Variants in CHD7 observed in about 807,000 individuals in gnomAD.
CHD7 encodes chromodomain helicase DNA binding protein 7.
In CHD7, 24 loss-of-function variants were observed where a neutral mutation model predicts 307.3. The observed-to-expected ratio is 0.08, with a 90% CI of 0.06 to 0.11. The LOEUF is 0.11. CHD7 is among the 10% of genes least tolerant of loss of function. The pLI is 1.00. For missense variants in CHD7, 3,106 were observed against 3,727.1 expected (o/e 0.83, Z 4.34); for synonymous variants, 1,363 against 1,349.9 (o/e 1.01, Z -0.21).
chr8:60,803,736 T>G (rs932204058), intron 6 of CHD7, among the ~76,000 whole-genome samples: 1 of 152,216 alleles, frequency 6.6e-6, no homozygotes, highest in African/African-American at 2.4e-5. Context: ...GGTGCTAACT[T>G]TTTAAACTGC....
Position 60,852,661 on chromosome 8 carries a change from G to C in CHD7, c.6058G>C (p.Ala2020Pro). 6.2e-7 allele frequency: 1 copy of C among 1,613,958 alleles called. No homozygotes were observed. The highest frequency in any genetic ancestry group is 8.5e-7 in the Non-Finnish European group (1 of 1,179,878). ...GGAGAAATACTTCAGTTGTTTTGTG[G>C]CCATGTGTAGGCGAGTATGTCGAAT... ...SLEKYFSCFV[A>P]MCRRVCRMPV... The change falls in exon 30 of 38, where the codon GCC becomes CCC. Residue 2020 changes from alanine to proline, a missense_variant. Coordinates refer to ENST00000423902, the MANE Select transcript of CHD7 (RefSeq NM_017780.4).
chr8:60,749,015 T>C (rs1809485952), intron 2 of CHD7, among the ~76,000 whole-genome samples: 1 of 151,814 alleles, frequency 6.6e-6, no homozygotes, highest in Admixed American at 6.6e-5. Context: ...GGGAAAACCT[T>C]TTATTGGTAA....
chr8:60,681,715 A>C (rs535485354), intron 1 of CHD7, among the ~76,000 whole-genome samples: 1 of 152,290 alleles, frequency 6.6e-6, no homozygotes, highest in Admixed American at 6.5e-5. Flanking sequence ...CAGGCTTGTA[A>C]CAGGTGAATT....
At chr8:60,760,816 A>ATGG (rs1810156174) in intron 2 of CHD7, among the ~76,000 whole-genome samples, 1 of 152,038 alleles carries the variant, frequency 6.6e-6, no homozygotes, top group South Asian at 2.1e-4. Context: ...ACCAGTTAGA[A>ATGG]TGGCAATCAT....
chr8:60,827,849 G>A (rs1391570347), intron 13 of CHD7, among the ~76,000 whole-genome samples: 1 of 151,826 alleles, frequency 6.6e-6, no homozygotes, highest in Non-Finnish European at 1.5e-5. Context: ...CAACTACTGG[G>A]ATGTATAATT....
intron 1 of CHD7, among the ~76,000 whole-genome samples, chr8:60,681,266 G>C (rs1438896620): frequency 1.3e-5 from 2 of 152,176 alleles, no homozygotes; most frequent in African/African-American, 4.8e-5. Context: ...AATAACTTGA[G>C]CAGTGATTTT....
At chr8:60,796,244 T>C (rs1812028470) in intron 4 of CHD7, among the ~76,000 whole-genome samples, 1 of 152,248 alleles carries the variant, frequency 6.6e-6, no homozygotes, top group South Asian at 2.1e-4. Context: ...TGGGTTATTA[T>C]GTAATTTTAT....
intron 21 of CHD7, among the ~76,000 whole-genome samples, chr8:60,843,510 A>G (rs4526395): frequency 0.83 from 125,565 of 152,198 alleles, 52,308 homozygotes; most frequent in East Asian, 0.94. Flanking sequence ...CCTATGTGCT[A>G]GGCACTGTCT....
At chr8:60,695,546 C>T (rs547051832) in intron 1 of CHD7, among the ~76,000 whole-genome samples, 22 of 152,176 alleles carry the variant, frequency 1.4e-4, no homozygotes, top group Non-Finnish European at 2.6e-4. Flanking sequence ...TGTGTTGTAG[C>T]GTTGGGAAGC....
Position 60,781,205 on chromosome 8 carries a change from T to C in CHD7, c.1871T>C (p.Val624Ala). The C allele has an allele frequency of 1.3e-6, 2 of 1,598,084 alleles. No homozygotes were observed. The highest frequency in any genetic ancestry group is 1.7e-6 in the Non-Finnish European group (2 of 1,172,158). ...GFGKDDFPGG[V>A]DNQELNRNSL... is the part of the protein sequence containing the mutation. ...GGTAAAGATGACTTCCCTGGTGGGGTAGATAACCAAGAACTAAATAGGAAC... is the reference window on the plus strand; with the variant it reads ...GGTAAAGATGACTTCCCTGGTGGGGCAGATAACCAAGAACTAAATAGGAAC... The change falls in exon 3 of 38, where the codon GTA becomes GCA. Residue 624 changes from valine to alanine, a missense_variant. Physicochemically the swap from Val to Ala is moderately conservative, Grantham distance 64. Around this residue, in one of 10 missense-constraint regions of CHD7, gnomAD observed 998 missense variants for 1,004.5 expected, o/e 0.99. Transcript: ENST00000423902.
rs565071674 is a variant in CHD7, at chr8:60,853,896, A to AG, written c.6775+397dup. ...ACTGGTGCTTGTTATGTTTTGATTC[A>AG]GAAGTAAAGAGTGGGAATAGAATCT... On this transcript the variant is annotated intron_variant, in intron 31 of 37. Transcript: ENST00000423902. 1.4e-3 allele frequency among the ~76,000 whole-genome samples: 210 copies of AG among 152,352 alleles called. 5 individuals carry two copies. The highest frequency in any genetic ancestry group is 1.5e-4 in the Non-Finnish European group (10 of 68,026).
intron 1 of CHD7, among the ~76,000 whole-genome samples, chr8:60,696,144 TACTA>T (rs1045675964): frequency 6.6e-6 from 1 of 152,216 alleles, no homozygotes; most frequent in African/African-American, 2.4e-5. Flanking sequence ...CAAAAGAACA[TACTA>T]ACTGTATCAT....
chr8:60,726,408 A>G (rs976606214), intron 1 of CHD7, among the ~76,000 whole-genome samples: 1 of 152,220 alleles, frequency 6.6e-6, no homozygotes, highest in Non-Finnish European at 1.5e-5. Flanking sequence ...GCCTAGTTTA[A>G]TATTTTGTGT....
chr8:60,795,646 A>G (rs572906392), intron 4 of CHD7, among the ~76,000 whole-genome samples: 22 of 152,354 alleles, frequency 1.4e-4, no homozygotes, highest in African/African-American at 5.0e-4. Context: ...GACTTTCCAA[A>G]TGGCAACTCT....
chr8:60,744,038 C>A (rs1332539036), intron 2 of CHD7, among the ~76,000 whole-genome samples: 1 of 152,092 alleles, frequency 6.6e-6, no homozygotes, highest in Non-Finnish European at 1.5e-5. Context: ...AGTGAGAGAC[C>A]AGGCATGATT....
At chr8:60,853,604 T>A (rs757387983) in intron 31 of CHD7, 104 bp downstream of exon 31, 213 of 903,500 alleles carry the variant, frequency 2.4e-4, no homozygotes, top group Non-Finnish European at 3.1e-4. Flanking sequence ...GAGTACTTAG[T>A]GTACATTTTC....
chr8:60,797,112 A>G (rs751543068), intron 4 of CHD7, among the ~76,000 whole-genome samples: 3 of 152,246 alleles, frequency 2.0e-5, no homozygotes, highest in Non-Finnish European at 4.4e-5. Context: ...TTGACTCACA[A>G]AAATCTTTCA....
At position 60,865,781 on chromosome 8, in the gene CHD7, A is replaced by G. The variant is rs1467824778; in HGVS notation, c.8842A>G (p.Lys2948Glu). The G allele has an allele frequency of 2.5e-6, 4 of 1,614,032 alleles. No individual in the cohort carries two copies. The highest frequency in any genetic ancestry group is 3.4e-6 in the Non-Finnish European group (4 of 1,179,884). ...AADKAEGGPF[K>E]DGETLEGSDA... is the part of the protein sequence containing the mutation. ...TGACAAGGCTGAGGGAGGACCCTTT[A>G]AAGATGGAGAGACCCTTGAAGGCAG... The change falls in exon 38 of 38, where the codon AAA (lysine) becomes GAA (glutamate). Residue 2948 changes from lysine to glutamate, a missense_variant. Physicochemically the swap from Lys to Glu is moderately conservative, Grantham distance 56. Around this residue, in one of 10 missense-constraint regions of CHD7, gnomAD observed 351 missense variants for 366.2 expected, o/e 0.96. Coordinates refer to ENST00000423902, the MANE Select transcript of CHD7 (RefSeq NM_017780.4). The surrounding 1 kb of genome is among the most constrained non-coding windows in gnomAD (Gnocchi z 4.3).
chr8:60,802,572 G>A (rs1016013707), intron 6 of CHD7, among the ~76,000 whole-genome samples: 3 of 152,126 alleles, frequency 2.0e-5, no homozygotes, highest in South Asian at 2.1e-4. Flanking sequence ...GTCTAGCTGC[G>A]AACTCCTGGG....
Sources: allele counts gnomAD v4.1 joint callset (sites outside exome capture counted in the v4.1 genomes callset), GRCh38; gene constraint gnomAD v4.1.1; regional missense constraint gnomAD v4.1.1; non-coding constraint Gnocchi (gnomAD v3.1); transcripts MANE v1.5; gene names NCBI Gene and HGNC (gene_info 2026-07-23, HGNC 2026-07-21).